ERICH6: variants seen among roughly 807,000 people sequenced by gnomAD.
ERICH6 encodes glutamate rich 6, also known as glutamate-rich protein 6.
A neutral mutation model predicts 71.0 loss-of-function variants in ERICH6; 71 were observed. That is an observed-to-expected ratio of 1.00 (90% CI 0.83 to 1.22). The LOEUF is 1.22. ERICH6 is among the 50% of genes most tolerant of loss of function. ERICH6 has a pLI of 0.00. For synonymous variants in ERICH6, 262 were observed against 278.4 expected (o/e 0.94, Z 0.59); for missense variants, 808 against 797.2 (o/e 1.01, Z -0.16).
intron 1 of ERICH6, among the ~76,000 whole-genome samples, chr3:150,702,957 G>A (rs1712967176): frequency 7.9e-6 from 1 of 126,284 alleles, no homozygotes; most frequent in African/African-American, 3.2e-5. Flanking sequence ...AGAGGGGGAG[G>A]GGAGAGGGAG....
In ERICH6 at chr3:150,669,377, T is replaced by A. The variant is rs1457072853; in HGVS notation, c.1418A>T (p.Asp473Val). Reference sequence around the variant, plus strand: ...TAGGATAGCAGGGTTAGTGGGCATATCTTCTTGGACTATACAAGTAAAACC... The same window carrying A: ...TAGGATAGCAGGGTTAGTGGGCATAACTTCTTGGACTATACAAGTAAAACC... Reference protein sequence around the residue: ...VNGFTCIVQEDMPTNPAILAV... With the variant: ...VNGFTCIVQEVMPTNPAILAV... Residue 473 changes from aspartate (D) to valine (V), a missense_variant, in exon 12 of 14, where the codon GAT (aspartate) becomes GTT (valine). Transcript: ENST00000295910. 2 of 1,613,804 alleles carry A rather than the reference T, an allele frequency of 1.2e-6. No homozygotes were observed. Among genetic ancestry groups the A allele is most frequent in the African/African-American group, 1.3e-5 (1 of 74,940 alleles).
chr3:150,703,511 T>C lies in ERICH6; in HGVS notation c.388A>G (p.Thr130Ala). The C allele has an allele frequency of 6.2e-7, 1 of 1,602,530 alleles. No homozygotes were observed. The highest frequency in any genetic ancestry group is 1.1e-5 in the South Asian group (1 of 90,224). The change falls in exon 1 of 14, where the codon ACC becomes GCC. Residue 130 changes from threonine (T) to alanine (A), a missense_variant. Around this residue, in one of 3 missense-constraint regions of ERICH6, gnomAD observed 736 missense variants for 712.2 expected, o/e 1.03. Coordinates refer to ENST00000295910, the MANE Select transcript of ERICH6 (RefSeq NM_152394.5). The stretch of plus-strand genomic sequence containing the variant: ...GGGGCGGTACTTTTATGCGAGGAGG[T>C]GCTGGAGGGTGGGCTTGCGCTCGGC... Reference protein sequence around the residue: ...ETPSASPPSSTSSHKSFPKIF... With the variant: ...ETPSASPPSSASSHKSFPKIF...
chr3:150,675,897 C>T (rs552813682), intron 10 of ERICH6, among the ~76,000 whole-genome samples: 1 of 143,766 alleles, frequency 7.0e-6, no homozygotes, highest in East Asian at 2.1e-4. Context: ...TGCAGTTTCA[C>T]TATGATGTGT....
Position 150,680,796 on chromosome 3 carries a change from C to T in ERICH6, c.1017G>A (p.Lys339=). The T allele has an allele frequency of 6.2e-7, 1 of 1,609,208 alleles. No individual in the cohort carries two copies. Among genetic ancestry groups the T allele is most frequent in the South Asian group, 1.1e-5 (1 of 90,398 alleles). The change falls in exon 8 of 14, where the codon AAG becomes AAA. Residue 339 remains lysine (K), a synonymous_variant. Transcript: ENST00000295910. ...ACCTTTGCAGGGCTTTTTCTTTTGC[C>T]TTGAGTCTGTCGACCTCACTACCAT... ...AAHGSEVDRL[K]AKEKALQRKQ...
chr3:150,680,585 G>A (rs1376031265), intron 8 of ERICH6, 47 bp from the exon 9 acceptor site: 33 of 1,605,330 alleles, frequency 2.1e-5, no homozygotes, highest in Non-Finnish European at 2.8e-5. Flanking sequence ...TGTGGTTGAA[G>A]CTTAAAACAG....
chr3:150,699,796 C>T (rs1164139920), intron 2 of ERICH6, among the ~76,000 whole-genome samples: 4 of 149,994 alleles, frequency 2.7e-5, no homozygotes, highest in Non-Finnish European at 5.9e-5. Context: ...ACTGGTTCTT[C>T]GAAATTTCAA....
chr3:150,661,855 TG>T (rs1319446049), intron 13 of ERICH6, among the ~76,000 whole-genome samples: 1 of 152,074 alleles, frequency 6.6e-6, no homozygotes, highest in Non-Finnish European at 1.5e-5. Context: ...CACTCCAGCC[TG>T]GGTGACAGAG....
At chr3:150,665,045 T>A (rs1044443086) in intron 13 of ERICH6, among the ~76,000 whole-genome samples, 4 of 151,910 alleles carry the variant, frequency 2.6e-5, no homozygotes, top group African/African-American at 9.7e-5. Flanking sequence ...GAAAGAAGTA[T>A]TTTTATATTT....
chr3:150,685,883 G>T, intron 5 of ERICH6, 25 bp from the exon 6 acceptor site: 3 of 1,608,472 alleles, frequency 1.9e-6, no homozygotes, highest in Non-Finnish European at 2.6e-6. Flanking sequence ...AGAAAGGGGT[G>T]GTGAGGGGAA....
rs1052317739 is a variant in ERICH6, at chr3:150,702,020, A to G, written c.461+101T>C. The G allele has an allele frequency of 6.1e-6, 5 of 818,324 alleles. No homozygotes were observed. In the African/African-American group the frequency reaches 7.1e-5, roughly 12 times the overall value. 50.7% of individuals were successfully genotyped at this position (818,324 alleles called of 1,614,324 possible). On this transcript the variant is annotated intron_variant, in intron 2 of 13. Coordinates refer to ENST00000295910, the MANE Select transcript of ERICH6 (RefSeq NM_152394.5). ...AAAAACTTTTTAAAATAAGTAAGTC[A>G]CAAATGCCCTGGATTATTTTACTCT...
chr3:150,660,050 C>T lies in ERICH6; in HGVS notation c.1834G>A (p.Gly612Arg), dbSNP rs1254468070. The change falls in exon 14 of 14, where the codon GGA becomes AGA. Residue 612 changes from glycine to arginine, a missense_variant. Gly to Arg is a moderately radical substitution (Grantham distance 125). Around this residue, in one of 3 missense-constraint regions of ERICH6, gnomAD observed 736 missense variants for 712.2 expected, o/e 1.03. Transcript: ENST00000295910. ...KIRRLFHKLE[G>R]CVNFPSSQVW... is the part of the protein sequence containing the mutation. ...TGGCTTGAGGGAAAATTCACACATCCTTCAAGTTTATGAAACAGGCGACGG... is the reference window on the plus strand; with the variant it reads ...TGGCTTGAGGGAAAATTCACACATCTTTCAAGTTTATGAAACAGGCGACGG... 2 of 1,613,994 alleles carry T rather than the reference C, an allele frequency of 1.2e-6. No homozygotes were observed. Among genetic ancestry groups the T allele is most frequent in the East Asian group, 2.2e-5 (1 of 44,884 alleles).
At chr3:150,691,828 C>G (rs2108071975) in intron 3 of ERICH6, among the ~76,000 whole-genome samples, 2 of 152,106 alleles carry the variant, frequency 1.3e-5, no homozygotes, top group Middle Eastern at 6.8e-3. Context: ...AAAAAGGACA[C>G]CAAGTCCGGC....
At chr3:150,686,198 T>A in intron 4 of ERICH6, 100 bp downstream of exon 4, 3 of 1,394,642 alleles carry the variant, frequency 2.2e-6, no homozygotes, top group Non-Finnish European at 3.0e-6. Context: ...CTTAGGTGAG[T>A]CCTTTTTCAA....
intron 1 of ERICH6, among the ~76,000 whole-genome samples, chr3:150,703,236 A>AG (rs1449444736): frequency 1.3e-5 from 2 of 151,660 alleles, no homozygotes; most frequent in African/African-American, 4.8e-5. Context: ...AAAAAAAAAA[A>AG]GCACTTCATA....
At chr3:150,693,332 C>G (rs918887938) in intron 3 of ERICH6, among the ~76,000 whole-genome samples, 1 of 152,198 alleles carries the variant, frequency 6.6e-6, no homozygotes, top group African/African-American at 2.4e-5. Context: ...GGAATCAAAT[C>G]TGACTTATGG....
At chr3:150,682,111 G>T in intron 7 of ERICH6, 107 bp downstream of exon 7, 1 of 964,930 alleles carries the variant, frequency 1.0e-6, no homozygotes. Context: ...CATCAAGCCC[G>T]GCCTAACTCT....
chr3:150,680,672 A>G (rs1285369515), intron 8 of ERICH6, 101 bp downstream of exon 8: 6 of 1,554,070 alleles, frequency 3.9e-6, no homozygotes, highest in South Asian at 1.2e-5. Context: ...TAGGAAATAC[A>G]TCTTCAAAGT....
rs1483348905 is a variant in ERICH6, at chr3:150,680,887, T to C, written c.926A>G (p.Tyr309Cys). The C allele has an allele frequency of 1.2e-6, 2 of 1,613,556 alleles. No individual in the cohort carries two copies. The highest frequency in any genetic ancestry group is 2.2e-5 in the East Asian group (1 of 44,874). ...GGGTTTGGTTTTTATTTGCTCCTCA[T>C]AGATATAGTCAATCAGATTTTGGAA... ...IAFQNLIDYI[Y>C]EEQIKTKPPK... Residue 309 changes from tyrosine (Y) to cysteine (C), a missense_variant, in exon 8 of 14, where the codon TAT becomes TGT. Transcript: ENST00000295910.
intron 13 of ERICH6, among the ~76,000 whole-genome samples, chr3:150,665,442 G>A (rs185236435): frequency 1.3e-5 from 2 of 150,704 alleles, no homozygotes; most frequent in Non-Finnish European, 3.0e-5. Flanking sequence ...GCTTGAACCC[G>A]GGAGGCGGAG....
Sources: allele counts gnomAD v4.1 joint callset (sites outside exome capture counted in the v4.1 genomes callset), GRCh38; gene constraint gnomAD v4.1.1; regional missense constraint gnomAD v4.1.1; transcripts MANE v1.5; gene names NCBI Gene and HGNC (gene_info 2026-07-23, HGNC 2026-07-21).